SORCS2: variants seen among roughly 807,000 people sequenced by gnomAD.
SORCS2 encodes the protein VPS10 domain-containing receptor SorCS2.
Under a neutral mutation model 141.6 loss-of-function variants are expected in SORCS2, and 100 were observed. The observed-to-expected ratio is 0.71, with a 90% CI of 0.60 to 0.83. The LOEUF is 0.83. SORCS2 is among the 40% of genes least tolerant of loss of function. The probability of loss-of-function intolerance (pLI) is 0.00; values close to 1 mark genes in which losing one functional copy is unlikely to be tolerated. For missense variants in SORCS2, 1,646 were observed against 1,560.2 expected, an observed-to-expected ratio of 1.05 and a Z score of -0.93; for synonymous variants, 789 against 676.9, an observed-to-expected ratio of 1.17 and a Z score of -2.57.
intron 5 of SORCS2, among the ~76,000 whole-genome samples, chr4:7,657,066 C>A (rs62290680): frequency 0.021 from 3,192 of 152,306 alleles, 49 homozygotes; most frequent in Non-Finnish European, 0.035. Context: ...GTTAGAAATA[C>A]GGTCTAACAG....
At chr4:7,422,411 T>G (rs1294492658) in intron 2 of SORCS2, among the ~76,000 whole-genome samples, 1 of 152,104 alleles carries the variant, frequency 6.6e-6, no homozygotes, top group African/African-American at 2.4e-5. Flanking sequence ...GGCCTTCCTT[T>G]CCGTGGACAC....
chr4:7,490,701 G>C (rs1023551422), intron 2 of SORCS2, among the ~76,000 whole-genome samples: 1 of 152,172 alleles, frequency 6.6e-6, no homozygotes, highest in African/African-American at 2.4e-5. Flanking sequence ...CAGTGAAATG[G>C]GGGCAGGTTG....
intron 2 of SORCS2, among the ~76,000 whole-genome samples, chr4:7,418,442 A>G (rs1470678376): frequency 2.6e-5 from 4 of 152,154 alleles, no homozygotes; most frequent in Non-Finnish European, 5.9e-5. Context: ...GGAGTATTTC[A>G]GAGCAGACCA....
intron 3 of SORCS2, among the ~76,000 whole-genome samples, chr4:7,607,559 A>G (rs1326976877): frequency 6.6e-6 from 1 of 152,110 alleles, no homozygotes; most frequent in Non-Finnish European, 1.5e-5. Context: ...CCTGAGTGTC[A>G]ATAATTAATA....
intron 23 of SORCS2, among the ~76,000 whole-genome samples, chr4:7,732,882 C>T (rs974356210): frequency 6.6e-6 from 1 of 152,086 alleles, no homozygotes; most frequent in African/African-American, 2.4e-5. Context: ...CGAGGCTCAG[C>T]GAGGCCAGGT....
intron 2 of SORCS2, among the ~76,000 whole-genome samples, chr4:7,476,048 G>A (rs1253099609): frequency 6.6e-6 from 1 of 152,208 alleles, no homozygotes; most frequent in African/African-American, 2.4e-5. Flanking sequence ...AGGGGCTGAA[G>A]GCTCTCGCTG....
intron 4 of SORCS2, among the ~76,000 whole-genome samples, chr4:7,640,076 A>G (rs888798319): frequency 6.6e-6 from 1 of 150,840 alleles, no homozygotes; most frequent in Admixed American, 6.6e-5. Flanking sequence ...TATGAGTGTG[A>G]AACAGCATGT....
chr4:7,244,291 A>C (rs1712923425), intron 1 of SORCS2, among the ~76,000 whole-genome samples: 1 of 152,298 alleles, frequency 6.6e-6, no homozygotes, highest in Admixed American at 6.5e-5. Context: ...TCTCCAGCTC[A>C]TGCACTCCCC....
chr4:7,660,441 A>G (rs1722084295), intron 5 of SORCS2, among the ~76,000 whole-genome samples: 1 of 152,134 alleles, frequency 6.6e-6, no homozygotes. Flanking sequence ...TATCTATGGA[A>G]CTCAGCCACT....
At chr4:7,537,695 T>C (rs1296837615) in intron 3 of SORCS2, among the ~76,000 whole-genome samples, 1 of 152,144 alleles carries the variant, frequency 6.6e-6, no homozygotes, top group Non-Finnish European at 1.5e-5. Context: ...ATCTCTCTGC[T>C]GCAAGTTTAT....
chr4:7,268,635 G>T (rs1042479979), intron 1 of SORCS2, among the ~76,000 whole-genome samples: 16 of 152,252 alleles, frequency 1.1e-4, no homozygotes, highest in African/African-American at 3.9e-4. Flanking sequence ...AGCCTGCAGG[G>T]CTTTGCACAC....
intron 2 of SORCS2, among the ~76,000 whole-genome samples, chr4:7,500,588 C>G (rs1223737550): frequency 2.7e-5 from 3 of 110,752 alleles, no homozygotes; most frequent in Admixed American, 7.9e-5. Flanking sequence ...ACAGAAAGCA[C>G]CAGTGTGCCG....
intron 8 of SORCS2, among the ~76,000 whole-genome samples, chr4:7,675,516 C>T (rs185429368): frequency 6.6e-6 from 1 of 152,322 alleles, no homozygotes; most frequent in Non-Finnish European, 1.5e-5. Context: ...AGGACAGGGC[C>T]ACACCTGGCT....
chr4:7,646,175 G>A (rs1044088882), intron 4 of SORCS2, among the ~76,000 whole-genome samples: 4 of 152,256 alleles, frequency 2.6e-5, no homozygotes, highest in Non-Finnish European at 5.9e-5. Flanking sequence ...CTCCCAGGAC[G>A]CAAGGAAGTC....
rs560827791 is a variant in SORCS2, at chr4:7,508,573, G to A, written c.549-22957G>A. On this transcript the variant is annotated intron_variant, in intron 2 of 26. Coordinates refer to ENST00000507866, the MANE Select transcript of SORCS2 (RefSeq NM_020777.3). The stretch of plus-strand genomic sequence containing the variant: ...GGCTGGTCTCAAACTCCTGACCTCA[G>A]GTGATCCATCCACCTTGGCCTCCCA... Among the ~76,000 whole-genome samples the A allele has an allele frequency of 1.2e-4, 19 of 152,130 alleles. No individual in the cohort carries two copies. The East Asian group carries it at 3.5e-3, about 28-fold the overall frequency.
At chr4:7,725,026 GTGATGATAGTGGTAGTGGTGGTGGTGA>G in intron 19 of SORCS2, 101 bp from the exon 20 acceptor site, 1 of 927,456 alleles carries the variant, frequency 1.1e-6, no homozygotes. Context: ...GGTGGTGGTG[GTGATGATAGTGGTAGTGGTGGTGGTGA>G]TGATAGCAAT....
At chr4:7,473,759 G>T (rs757605359) in intron 2 of SORCS2, among the ~76,000 whole-genome samples, 12 of 152,100 alleles carry the variant, frequency 7.9e-5, no homozygotes, top group Non-Finnish European at 1.6e-4. Flanking sequence ...AGGTGGGAGG[G>T]TGGGCGCGGT....
intron 2 of SORCS2, among the ~76,000 whole-genome samples, chr4:7,400,297 G>C (rs1010552829): frequency 1.3e-5 from 2 of 152,204 alleles, no homozygotes; most frequent in Non-Finnish European, 2.9e-5. Flanking sequence ...TGCCTGGAGT[G>C]CATGTGGCAC....
At chr4:7,429,970 A>G (rs964886861) in intron 2 of SORCS2, among the ~76,000 whole-genome samples, 1 of 152,212 alleles carries the variant, frequency 6.6e-6, no homozygotes, top group Admixed American at 6.5e-5. Context: ...GCAGGCTGGC[A>G]ACCCCCGTCC....
Sources: gnomAD v4.1 joint callset for allele counts (sites outside exome capture counted in the v4.1 genomes callset) on GRCh38, gnomAD v4.1.1 for gene constraint, MANE v1.5 for transcripts, NCBI Gene and HGNC (gene_info 2026-07-23, HGNC 2026-07-21) for gene names.